SLCO3A1: variants seen among roughly 807,000 people sequenced by gnomAD.
SLCO3A1 encodes the protein PGE1 transporter.
SLCO3A1 carries 27 observed loss-of-function variants against 63.1 expected under a neutral mutation model. The ratio of observed to expected loss-of-function variants is 0.43; its 90% CI spans 0.32 to 0.59. The LOEUF is 0.59. Among genes scored for constraint, SLCO3A1 ranks in the 20% least tolerant of loss-of-function variants. The probability of loss-of-function intolerance (pLI) is 0.09; values close to 1 mark genes in which losing one functional copy is unlikely to be tolerated. For synonymous variants in SLCO3A1, 473 were observed against 409.9 expected (o/e 1.15, Z -1.86); for missense variants, 773 against 945.8 (o/e 0.82, Z 2.40).
chr15:92,116,155 C>G (rs928332198), intron 4 of SLCO3A1, among the ~76,000 whole-genome samples: 1 of 152,172 alleles, frequency 6.6e-6, no homozygotes, highest in African/African-American at 2.4e-5. Flanking sequence ...GTCCCAAGAT[C>G]ACAGGTTTGC....
intron 2 of SLCO3A1, among the ~76,000 whole-genome samples, chr15:92,040,143 A>G (rs59626802): frequency 0.017 from 2,563 of 152,218 alleles, 69 homozygotes; most frequent in African/African-American, 0.058. Flanking sequence ...GAAGCAAACC[A>G]CCACGGCACA....
chr15:92,160,367 T>C (rs537540788), intron 9 of SLCO3A1, among the ~76,000 whole-genome samples: 25 of 152,110 alleles, frequency 1.6e-4, no homozygotes, highest in Non-Finnish European at 2.5e-4. Context: ...GTTCCTCCAG[T>C]TGGCTCTTTC....
chr15:92,167,079 G>A (rs1308506878), downstream of SLCO3A1, among the ~76,000 whole-genome samples: 1 of 151,592 alleles, frequency 6.6e-6, no homozygotes, highest in African/African-American at 2.4e-5. Flanking sequence ...ATATTTTATT[G>A]TTGCTTGAAT....
chr15:91,902,091 A>T (rs574573369), intron 1 of SLCO3A1, among the ~76,000 whole-genome samples: 1 of 151,678 alleles, frequency 6.6e-6, no homozygotes, highest in East Asian at 1.9e-4. Flanking sequence ...CTGACATCTC[A>T]TATCTGATAT....
chr15:91,957,354 A>G (rs1388436665), intron 2 of SLCO3A1, among the ~76,000 whole-genome samples: 2 of 150,140 alleles, frequency 1.3e-5, no homozygotes, highest in Non-Finnish European at 2.9e-5. Context: ...GTACAGGGCA[A>G]ATCCATTCCC....
Position 91,967,448 on chromosome 15 carries a change from T to C in SLCO3A1, c.646+50990T>C, listed in dbSNP as rs1900699882. ...TGGTAGAATGTCCCTCCTCTGGTTA[T>C]GCTTTTCTTTGGCTAATAGTATCAT... On this transcript the variant is annotated intron_variant, in intron 2 of 9. Transcript: ENST00000318445. This position sits in a 1 kb window ranked among gnomAD's most constrained non-coding sequence, Gnocchi z 4.4. Among the ~76,000 whole-genome samples the C allele has an allele frequency of 6.6e-6, 1 of 152,228 alleles. No homozygotes were observed. The highest frequency in any genetic ancestry group is 2.4e-5 in the African/African-American group (1 of 41,460).
At position 92,034,083 on chromosome 15, in the gene SLCO3A1, G is replaced by C. The variant is rs147042293; in HGVS notation, c.647-60798G>C. 1.2e-3 allele frequency among the ~76,000 whole-genome samples: 183 copies of C among 147,078 alleles called. 1 individual carries two copies. The highest frequency in any genetic ancestry group is 4.2e-3 in the African/African-American group (172 of 41,082). On this transcript the variant is annotated intron_variant, in intron 2 of 9. Transcript: ENST00000318445. ...ATTGCAGGGTGCTGAGCAGAGAAGC[G>C]ACATGGTCTGACAACTCCTGGGTGC... is the stretch of plus-strand genomic sequence containing the variant.
chr15:91,867,936 C>T (rs1335068537), intron 1 of SLCO3A1, among the ~76,000 whole-genome samples: 2 of 152,202 alleles, frequency 1.3e-5, no homozygotes, highest in East Asian at 1.9e-4. Flanking sequence ...TGTGGCCGGC[C>T]GATCCAAGCG....
intron 1 of SLCO3A1, among the ~76,000 whole-genome samples, chr15:91,866,508 T>C (rs919241193): frequency 6.6e-6 from 1 of 151,714 alleles, no homozygotes; most frequent in African/African-American, 2.4e-5. Context: ...CATCCATCTC[T>C]GTGGTTTTTT....
intron 9 of SLCO3A1, 139 bp downstream of exon 9, chr15:92,151,153 A>G: frequency 1.5e-6 from 1 of 663,852 alleles, no homozygotes. Context: ...AAGAAATTTT[A>G]AGTCTCAAAA....
intron 3 of SLCO3A1, among the ~76,000 whole-genome samples, chr15:92,099,768 T>A (rs1387977831): frequency 6.6e-6 from 1 of 151,856 alleles, no homozygotes; most frequent in African/African-American, 2.4e-5. Flanking sequence ...GTTAGAAAAA[T>A]TGATCTTGTA....
intron 2 of SLCO3A1, among the ~76,000 whole-genome samples, chr15:91,947,624 C>T (rs1407329109): frequency 6.6e-6 from 1 of 152,218 alleles, no homozygotes; most frequent in African/African-American, 2.4e-5. Flanking sequence ...GCCTTTGTCA[C>T]TTGTTTAACC....
At chr15:92,077,200 A>G (rs2047288134) in intron 2 of SLCO3A1, among the ~76,000 whole-genome samples, 1 of 152,052 alleles carries the variant, frequency 6.6e-6, no homozygotes, top group African/African-American at 2.4e-5. Context: ...GACCCGTGGG[A>G]ATTATGGGAG....
intron 8 of SLCO3A1, among the ~76,000 whole-genome samples, chr15:92,147,378 T>C (rs1775468964): frequency 6.6e-6 from 1 of 151,782 alleles, no homozygotes; most frequent in Non-Finnish European, 1.5e-5. Flanking sequence ...AAGACAGCAC[T>C]TTCATGTTCT....
intron 9 of SLCO3A1, 119 bp downstream of exon 9, chr15:92,151,133 A>AGGTCTGTCTCTT: frequency 1.4e-6 from 1 of 736,776 alleles, no homozygotes; most frequent in Non-Finnish European, 2.2e-6. Flanking sequence ...CAGTTTAATT[A>AGGTCTGTCTCTT]TTAGTAAATA....
intron 2 of SLCO3A1, among the ~76,000 whole-genome samples, chr15:92,051,041 C>T (rs1372965607): frequency 6.6e-6 from 1 of 152,204 alleles, no homozygotes; most frequent in Non-Finnish European, 1.5e-5. Context: ...GCCTTCTGCC[C>T]CACGTCACTC....
chr15:92,105,909 G>A (rs1478670354), intron 4 of SLCO3A1, among the ~76,000 whole-genome samples: 1 of 152,100 alleles, frequency 6.6e-6, no homozygotes, highest in East Asian at 1.9e-4. Flanking sequence ...GTGTAACAAT[G>A]TGCGCCTTCT....
At chr15:92,096,796 A>G (rs1163670344) in intron 3 of SLCO3A1, among the ~76,000 whole-genome samples, 1 of 152,230 alleles carries the variant, frequency 6.6e-6, no homozygotes, top group African/African-American at 2.4e-5. Context: ...AGTGGAAAAA[A>G]AAAATCAGAG....
intron 2 of SLCO3A1, among the ~76,000 whole-genome samples, chr15:92,051,474 G>T (rs928328997): frequency 6.6e-6 from 1 of 152,192 alleles, no homozygotes; most frequent in Non-Finnish European, 1.5e-5. Flanking sequence ...TCATGGATTT[G>T]CTCAATGGAA....
Sources: allele counts gnomAD v4.1 joint callset (sites outside exome capture counted in the v4.1 genomes callset), GRCh38; gene constraint gnomAD v4.1.1; non-coding constraint Gnocchi (gnomAD v3.1); transcripts MANE v1.5; gene names NCBI Gene and HGNC (gene_info 2026-07-23, HGNC 2026-07-21).